Variants in ZNF385D observed in about 807,000 individuals in gnomAD.
ZNF385D encodes zinc finger protein 659.
A neutral mutation model predicts 35.8 loss-of-function variants in ZNF385D; 15 were observed. The ratio of observed to expected loss-of-function variants is 0.42; its 90% CI spans 0.28 to 0.64. The LOEUF is 0.64. Ranked by LOEUF, ZNF385D falls within the 30% of genes least tolerant of loss-of-function variation. The probability of loss-of-function intolerance (pLI) is 0.23; values close to 1 mark genes in which losing one functional copy is unlikely to be tolerated. For missense variants in ZNF385D, 474 were observed against 494.6 expected, an observed-to-expected ratio of 0.96 and a Z score of 0.39; for synonymous variants, 212 against 186.8, an observed-to-expected ratio of 1.13 and a Z score of -1.10.
At chr3:22,180,658 C>T (rs940861114) in intron 2 of ZNF385D, among the ~76,000 whole-genome samples, 6 of 152,106 alleles carry the variant, frequency 3.9e-5, no homozygotes, top group African/African-American at 7.2e-5. Flanking sequence ...CATAATCCAG[C>T]ATATAAACAG....
intron 3 of ZNF385D, among the ~76,000 whole-genome samples, chr3:21,537,334 T>C (rs1221119865): frequency 6.6e-6 from 1 of 151,778 alleles, no homozygotes; most frequent in African/African-American, 2.4e-5. Context: ...GGTTTTATCA[T>C]GTTGGCCAGG....
intron 5 of ZNF385D, among the ~76,000 whole-genome samples, chr3:21,432,790 T>TA (rs5847095): frequency 2.7e-5 from 4 of 148,660 alleles, no homozygotes; most frequent in Non-Finnish European, 6.0e-5. Flanking sequence ...CTTTCCAAAT[T>TA]AAAAAAAAAA....
chr3:21,765,414 C>A (rs1193907632), intron 3 of ZNF385D, among the ~76,000 whole-genome samples: 1 of 152,056 alleles, frequency 6.6e-6, no homozygotes, highest in Non-Finnish European at 1.5e-5. Flanking sequence ...CTTTCTCACT[C>A]CTGGACATAA....
intron 4 of ZNF385D, among the ~76,000 whole-genome samples, chr3:21,442,059 A>G (rs1701888183): frequency 6.6e-6 from 1 of 152,232 alleles, no homozygotes; most frequent in Non-Finnish European, 1.5e-5. Flanking sequence ...AAACATCAGT[A>G]TTCAAAGTGG....
intron 3 of ZNF385D, among the ~76,000 whole-genome samples, chr3:22,050,509 T>G (rs1699284288): frequency 6.6e-6 from 1 of 152,220 alleles, no homozygotes; most frequent in African/African-American, 2.4e-5. Flanking sequence ...ATTATTGATT[T>G]AATTTGGTTG....
intron 1 of ZNF385D, among the ~76,000 whole-genome samples, chr3:21,736,464 A>G (rs2069247692): frequency 1.3e-5 from 2 of 152,218 alleles, no homozygotes; most frequent in Admixed American, 1.3e-4. Flanking sequence ...CGACTGTTTA[A>G]AGAAAATTTC....
In ZNF385D at chr3:21,746,022, C is replaced by A. The variant is rs4146796; in HGVS notation, c.22+4873G>T. On this transcript the variant is annotated intron_variant, in intron 1 of 7. Transcript: ENST00000281523. Reference sequence around the variant, plus strand: ...CTATGACTGAAGTACAATATTAAGTCTATATATATAACAAGGAACTATTTG... The same window carrying A: ...CTATGACTGAAGTACAATATTAAGTATATATATATAACAAGGAACTATTTG... Among the ~76,000 whole-genome samples, 27 of 152,058 alleles carry A rather than the reference C, an allele frequency of 1.8e-4. 2 individuals carry two copies. The highest frequency in any genetic ancestry group is 4.6e-4 in the Admixed American group (7 of 15,290).
intron 2 of ZNF385D, among the ~76,000 whole-genome samples, chr3:22,230,884 G>A (rs1466800634): frequency 1.3e-5 from 2 of 152,148 alleles, no homozygotes; most frequent in African/African-American, 4.8e-5. Context: ...CCAGTCATTA[G>A]AGAAATAACT....
At chr3:21,803,224 G>A (rs1201242213) in intron 3 of ZNF385D, among the ~76,000 whole-genome samples, 1 of 151,998 alleles carries the variant, frequency 6.6e-6, no homozygotes, top group Non-Finnish European at 1.5e-5. Flanking sequence ...AGGTATAGGT[G>A]GCACCTTAGA....
At chr3:21,830,843 C>T (rs2630787) in intron 3 of ZNF385D, among the ~76,000 whole-genome samples, 64,224 of 152,074 alleles carry the variant, frequency 0.42, 14,119 homozygotes, top group South Asian at 0.48. Flanking sequence ...TAGACAGAAA[C>T]TCTGGAGTGT....
At chr3:21,927,546 A>T (rs889802730) in intron 3 of ZNF385D, among the ~76,000 whole-genome samples, 1 of 152,162 alleles carries the variant, frequency 6.6e-6, no homozygotes. Context: ...ACAAAAAGAG[A>T]TTGCTGGGCT....
intron 3 of ZNF385D, among the ~76,000 whole-genome samples, chr3:21,869,728 G>T (rs979304407): frequency 6.6e-6 from 1 of 152,080 alleles, no homozygotes; most frequent in Admixed American, 6.6e-5. Context: ...GTATTAATTA[G>T]TTAATGCCAC....
intron 1 of ZNF385D, among the ~76,000 whole-genome samples, chr3:21,689,339 G>A (rs558346865): frequency 5.3e-5 from 8 of 151,974 alleles, no homozygotes; most frequent in Non-Finnish European, 1.2e-4. Context: ...GCTCTGTTGC[G>A]GGGCAGCATA....
intron 3 of ZNF385D, among the ~76,000 whole-genome samples, chr3:21,890,630 TAAAAGAGAAG>T (rs983344049): frequency 3.4e-5 from 5 of 149,172 alleles, no homozygotes; most frequent in South Asian, 2.1e-4. Context: ...GAAAAGAAAA[TAAAAGAGAAG>T]AGAAGAGAAG....
chr3:21,575,884 G>A (rs1202750576), intron 2 of ZNF385D, among the ~76,000 whole-genome samples: 1 of 152,112 alleles, frequency 6.6e-6, no homozygotes, highest in Non-Finnish European at 1.5e-5. Context: ...GAGCAACATT[G>A]AAACCCAATA....
At chr3:21,608,503 A>T (rs1007911187) in intron 2 of ZNF385D, among the ~76,000 whole-genome samples, 19 of 152,242 alleles carry the variant, frequency 1.2e-4, no homozygotes, top group Non-Finnish European at 1.5e-5. Flanking sequence ...AATATCAAAC[A>T]AGTTATTTTT....
intron 3 of ZNF385D, among the ~76,000 whole-genome samples, chr3:21,783,103 A>C (rs1182854640): frequency 1.3e-5 from 2 of 152,158 alleles, no homozygotes; most frequent in Non-Finnish European, 2.9e-5. Flanking sequence ...CAATATTTCA[A>C]GATCAACATA....
At chr3:22,048,535 G>A (rs1699147954) in intron 3 of ZNF385D, among the ~76,000 whole-genome samples, 1 of 152,148 alleles carries the variant, frequency 6.6e-6, no homozygotes, top group Non-Finnish European at 1.5e-5. Context: ...GGACATCTTT[G>A]TTGAAAATCA....
intron 3 of ZNF385D, among the ~76,000 whole-genome samples, chr3:21,798,783 T>C (rs2072267889): frequency 6.6e-6 from 1 of 152,164 alleles, no homozygotes; most frequent in Non-Finnish European, 1.5e-5. Flanking sequence ...TACTTTAGAA[T>C]TCTCAGTGAT....
Sources: allele counts gnomAD v4.1 joint callset (sites outside exome capture counted in the v4.1 genomes callset), GRCh38; gene constraint gnomAD v4.1.1; transcripts MANE v1.5; gene names NCBI Gene and HGNC (gene_info 2026-07-23, HGNC 2026-07-21).